RAB44: variants seen among roughly 807,000 people sequenced by gnomAD.
RAB44 encodes ras-related protein Rab-44.
Under a neutral mutation model 93.3 loss-of-function variants are expected in RAB44, and 67 were observed. The observed-to-expected ratio is 0.72, with a 90% CI of 0.59 to 0.88. The LOEUF (loss-of-function observed/expected upper bound fraction) is 0.88, where lower values mean the gene tolerates loss of function less well. RAB44 is among the 40% of genes least tolerant of loss of function. The pLI is 0.00. For synonymous variants in RAB44, 427 were observed against 520.3 expected (o/e 0.82, Z 2.44); for missense variants, 1,064 against 1,261.7 (o/e 0.84, Z 2.37).
chr6:36,717,123 A>G lies in RAB44; in HGVS notation c.495-150A>G. The G allele has an allele frequency of 1.5e-6, 1 of 660,840 alleles. No individual in the cohort carries two copies. The highest frequency in any genetic ancestry group is 2.1e-6 in the Non-Finnish European group (1 of 466,976). The allele number at this position is 660,840 out of a possible 1,614,324, so 40.9% of individuals were successfully genotyped here. Reference sequence around the variant, plus strand: ...TGGTTCCTGGAGGAGGTGGCGTTTTAGTTGCATCTTGTAGGGTGTCAATAG... The same window carrying G: ...TGGTTCCTGGAGGAGGTGGCGTTTTGGTTGCATCTTGTAGGGTGTCAATAG... On this transcript the variant is annotated intron_variant, in intron 4 of 13. Transcript: ENST00000612677. The surrounding 1 kb of genome is among the most constrained non-coding windows in gnomAD (Gnocchi z 4.1).
At chr6:36,699,336 G>T (rs192578390) in intron 1 of RAB44, among the ~76,000 whole-genome samples, 1 of 152,292 alleles carries the variant, frequency 6.6e-6, no homozygotes, top group East Asian at 1.9e-4. Flanking sequence ...CTAGGATGTG[G>T]CTGCAGGGAA....
chr6:36,711,041 GCAAT>G (rs1418758661), intron 2 of RAB44, among the ~76,000 whole-genome samples: 3 of 152,120 alleles, frequency 2.0e-5, no homozygotes, highest in Non-Finnish European at 4.4e-5. Context: ...AATATGCCTA[GCAAT>G]CAATGTTTCA....
chr6:36,727,465 C>A, intron 10 of RAB44, 112 bp from the exon 11 acceptor site: 1 of 683,200 alleles, frequency 1.5e-6, no homozygotes, highest in Non-Finnish European at 2.6e-6. Flanking sequence ...AGCATACGGA[C>A]ATGCTCTGTG....
intron 6 of RAB44, 74 bp from the exon 7 acceptor site, chr6:36,718,419 G>C: frequency 1.3e-6 from 1 of 762,848 alleles, no homozygotes; most frequent in Non-Finnish European, 1.8e-6. Flanking sequence ...TGGAGGTGGA[G>C]TGTGAGAAGG....
At position 36,720,566 on chromosome 6, in the gene RAB44, C is replaced by G. The variant is rs555230227; in HGVS notation, c.1016+16C>G. 6.5e-6 allele frequency: 8 copies of G among 1,233,872 alleles called. No homozygotes were observed. Among genetic ancestry groups the G allele is most frequent in the Non-Finnish European group, 8.1e-6 (8 of 988,032 alleles). 76.4% of individuals were successfully genotyped at this position (1,233,872 alleles called of 1,614,324 possible). ...AGAAACTGAGGCAAGTGGCTGCTAT[C>G]CCTGGACTGGGGTGGACTCTAAGGG... On this transcript the variant is annotated intron_variant, in intron 8 of 13. Transcript: ENST00000612677.
At chr6:36,698,633 G>T (rs1485945867) in intron 1 of RAB44, among the ~76,000 whole-genome samples, 1 of 152,154 alleles carries the variant, frequency 6.6e-6, no homozygotes, top group African/African-American at 2.4e-5. Context: ...AGCCATGAAG[G>T]GGTCCCCCAC....
chr6:36,710,653 C>G (rs995479572), intron 2 of RAB44, among the ~76,000 whole-genome samples: 1 of 105,612 alleles, frequency 9.5e-6, no homozygotes, highest in Non-Finnish European at 1.7e-5. Context: ...GAGTCTCACT[C>G]TGTCATCCAG....
chr6:36,723,836 C>CA (rs565860026), intron 9 of RAB44, among the ~76,000 whole-genome samples: 1,056 of 64,588 alleles, frequency 0.016, 21 homozygotes, highest in African/African-American at 0.05. Flanking sequence ...TTCCGTCTCC[C>CA]AAAAAAAAAA....
At chr6:36,729,088 C>T (rs1763302940) in intron 12 of RAB44, among the ~76,000 whole-genome samples, 1 of 152,214 alleles carries the variant, frequency 6.6e-6, no homozygotes, top group South Asian at 2.1e-4. Flanking sequence ...CACCATGTCC[C>T]CACCTACATA....
In RAB44 at chr6:36,713,898, G is replaced by A. The variant is rs182380217; in HGVS notation, c.278G>A (p.Arg93Gln). 82 of 1,535,910 alleles carry A rather than the reference G, an allele frequency of 5.3e-5. No individual in the cohort carries two copies. Among genetic ancestry groups the A allele is most frequent in the Middle Eastern group, 1.7e-4 (1 of 5,988 alleles). Residue 93 changes from arginine (R) to glutamine (Q), a missense_variant, in exon 3 of 14, where the codon CGG becomes CAG. Arg to Gln is a conservative substitution (Grantham distance 43). Coordinates refer to ENST00000612677, the MANE Select transcript of RAB44 (RefSeq NM_001257357.2). ...EMIFDWVDVE[R>Q]KGHLSLEEFS... ...ATCTTCGACTGGGTGGATGTGGAGC[G>A]GAAGGGACACCTGTCCCTTGAAGAA...
At chr6:36,702,449 G>A (rs1190249907) in intron 1 of RAB44, among the ~76,000 whole-genome samples, 2 of 152,138 alleles carry the variant, frequency 1.3e-5, no homozygotes, top group Non-Finnish European at 2.9e-5. Flanking sequence ...GGGAGGCCGT[G>A]GAATGACCCC....
intron 12 of RAB44, 46 bp from the exon 13 acceptor site, chr6:36,730,627 G>T (rs1006048153): frequency 9.4e-6 from 11 of 1,175,328 alleles, no homozygotes; most frequent in Non-Finnish European, 1.1e-5. Context: ...TGGCCTTTCA[G>T]TTGTCTCTCC....
chr6:36,698,892 A>G (rs1213358104), intron 1 of RAB44, among the ~76,000 whole-genome samples: 1 of 152,132 alleles, frequency 6.6e-6, no homozygotes, highest in African/African-American at 2.4e-5. Flanking sequence ...GCACGTGTAC[A>G]TTTGTGGATT....
intron 9 of RAB44, 76 bp from the exon 10 acceptor site, chr6:36,725,786 T>TG (rs1422529283): frequency 1.0e-6 from 1 of 968,000 alleles, no homozygotes; most frequent in Non-Finnish European, 1.6e-6. Flanking sequence ...AGGGGACAGG[T>TG]GTATACTGGG....
intron 2 of RAB44, among the ~76,000 whole-genome samples, chr6:36,705,191 T>C (rs1762616285): frequency 6.6e-6 from 1 of 152,046 alleles, no homozygotes; most frequent in Non-Finnish European, 1.5e-5. Flanking sequence ...AGCCAGCAAT[T>C]TGACAGAAAA....
chr6:36,718,452 T>TA (rs1762982522), intron 6 of RAB44, 41 bp from the exon 7 acceptor site: 1 of 1,077,160 alleles, frequency 9.3e-7, no homozygotes, highest in Non-Finnish European at 1.2e-6. Flanking sequence ...GGCTAGCTCT[T>TA]AGAGTCTGCA....
At chr6:36,730,553 C>T (rs1416685791) in intron 12 of RAB44, 120 bp from the exon 13 acceptor site, 4 of 535,794 alleles carry the variant, frequency 7.5e-6, no homozygotes, top group African/African-American at 2.0e-5. Context: ...TTGCTCGCCA[C>T]TGAGGTCAGC....
chr6:36,731,284 C>T lies in RAB44; in HGVS notation c.2975+535C>T, dbSNP rs575418844. Among the ~76,000 whole-genome samples, 1 of 152,204 alleles carries T rather than the reference C, an allele frequency of 6.6e-6. No homozygotes were observed. Among genetic ancestry groups the T allele is most frequent in the Non-Finnish European group, 1.5e-5 (1 of 68,006 alleles). On this transcript the variant is annotated intron_variant, in intron 13 of 13. Coordinates refer to ENST00000612677, the MANE Select transcript of RAB44 (RefSeq NM_001257357.2). This position sits in a 1 kb window ranked among gnomAD's most constrained non-coding sequence, Gnocchi z 4.0. ...TGCCATCACTATTTTGGATCACAGC[C>T]CCTGTTTGTGTCCTTCATGGCCCTT...
Position 36,713,826 on chromosome 6 carries a change from A to C in RAB44, c.208-2A>C, listed in dbSNP as rs954621288. 4.1e-5 allele frequency: 62 copies of C among 1,530,556 alleles called. No individual in the cohort carries two copies. The highest frequency in any genetic ancestry group is 5.0e-5 in the Non-Finnish European group (57 of 1,141,958). 94.8% of individuals were successfully genotyped at this position (1,530,556 alleles called of 1,614,324 possible). A position where few individuals can be genotyped will look rare whatever the true frequency, so the allele number is the denominator to read the frequency against. On this transcript the variant is annotated splice_acceptor_variant, in intron 2 of 13. Coordinates refer to ENST00000612677, the MANE Select transcript of RAB44 (RefSeq NM_001257357.2). LOFTEE classifies it high-confidence loss of function. ...CCTGCCCAACTTGCCCATTCCTTCC[A>C]GGTGGCCAAGTTCAGCTTCCTGGGC...
Sources: allele counts gnomAD v4.1 joint callset (sites outside exome capture counted in the v4.1 genomes callset), GRCh38; gene constraint gnomAD v4.1.1; non-coding constraint Gnocchi (gnomAD v3.1); transcripts MANE v1.5; gene names NCBI Gene and HGNC (gene_info 2026-07-23, HGNC 2026-07-21).